LNX1: variants seen among roughly 807,000 people sequenced by gnomAD.
The protein encoded by LNX1 is ligand of numb-protein X 1.
In LNX1, 54 loss-of-function variants were observed where a neutral mutation model predicts 68.4. The ratio of observed to expected loss-of-function variants is 0.79; its 90% CI spans 0.63 to 0.99. The LOEUF (loss-of-function observed/expected upper bound fraction) is 0.99, where lower values mean the gene tolerates loss of function less well. Among genes scored for constraint, LNX1 ranks in the 50% least tolerant of loss-of-function variants. LNX1 has a pLI of 0.00. For synonymous variants in LNX1, 336 were observed against 350.0 expected, an observed-to-expected ratio of 0.96 and a Z score of 0.45; for missense variants, 906 against 926.4, an observed-to-expected ratio of 0.98 and a Z score of 0.29.
At chr4:53,474,911 C>T (rs898550976) in intron 9 of LNX1, among the ~76,000 whole-genome samples, 2 of 152,164 alleles carry the variant, frequency 1.3e-5, no homozygotes, top group East Asian at 1.9e-4. Flanking sequence ...GGACTACAGG[C>T]GTGTGCCACC....
intron 1 of LNX1, among the ~76,000 whole-genome samples, chr4:53,634,360 C>T (rs1175462795): frequency 4.0e-5 from 6 of 151,794 alleles, no homozygotes. Context: ...TCTCCTGCCT[C>T]AGTCTCCCGA....
chr4:53,468,285 C>CA (rs1722859862), intron 9 of LNX1, among the ~76,000 whole-genome samples: 1 of 152,150 alleles, frequency 6.6e-6, no homozygotes. Flanking sequence ...TACAGACAAG[C>CA]AAATGCTGAG....
At chr4:53,641,552 G>A (rs1018229785) in intron 1 of LNX1, among the ~76,000 whole-genome samples, 3 of 152,098 alleles carry the variant, frequency 2.0e-5, no homozygotes, top group Admixed American at 6.5e-5. Context: ...CAATACCCAG[G>A]GGTTCAACCT....
chr4:53,593,790 G>C (rs192622612), upstream of LNX1: 11 of 152,124 alleles, frequency 7.2e-5, no homozygotes, highest in African/African-American at 2.4e-4. Flanking sequence ...TTATTGTTCT[G>C]AGCACTTTAT....
At chr4:53,598,181 G>A (rs1290837138) in intron 2 of LNX1, among the ~76,000 whole-genome samples, 1 of 151,642 alleles carries the variant, frequency 6.6e-6, no homozygotes, top group Non-Finnish European at 1.5e-5. Flanking sequence ...AGATATTGAT[G>A]CCTGTTCTGC....
intron 1 of LNX1, among the ~76,000 whole-genome samples, chr4:53,585,221 A>G (rs1732089576): frequency 6.6e-6 from 1 of 152,188 alleles, no homozygotes; most frequent in Admixed American, 6.5e-5. Flanking sequence ...GATATCTCAC[A>G]CTGTTGACTG....
chr4:53,569,844 G>T (rs1364246928), intron 2 of LNX1, among the ~76,000 whole-genome samples: 1 of 135,068 alleles, frequency 7.4e-6, no homozygotes, highest in Non-Finnish European at 1.6e-5. Flanking sequence ...CCATCAAAAA[G>T]TGGGCGAAGG....
chr4:53,589,676 A>G (rs1332233057), intron 1 of LNX1, among the ~76,000 whole-genome samples: 1 of 152,226 alleles, frequency 6.6e-6, no homozygotes, highest in Non-Finnish European at 1.5e-5. Context: ...TCAAGGATAT[A>G]AATGAAGGAG....
chr4:53,481,133 G>A (rs1033115305), intron 7 of LNX1, among the ~76,000 whole-genome samples: 1 of 152,146 alleles, frequency 6.6e-6, no homozygotes, highest in Admixed American at 6.5e-5. Context: ...CTGCAAACTG[G>A]TGGCCTGAAG....
chr4:53,476,710 G>T, intron 9 of LNX1, 43 bp downstream of exon 9: 1 of 1,527,116 alleles, frequency 6.5e-7, no homozygotes, highest in South Asian at 1.1e-5. Flanking sequence ...AAATGTAATC[G>T]TTTTCTCCCA....
At chr4:53,600,883 A>G (rs1288667680) in intron 2 of LNX1, among the ~76,000 whole-genome samples, 3 of 145,322 alleles carry the variant, frequency 2.1e-5, no homozygotes, top group Non-Finnish European at 3.0e-5. Flanking sequence ...GGTGCCCACC[A>G]CCACACCTGG....
chr4:53,643,724 C>G (rs1484557431), intron 1 of LNX1, among the ~76,000 whole-genome samples: 2 of 152,130 alleles, frequency 1.3e-5, no homozygotes, highest in East Asian at 3.9e-4. Context: ...TGCCTGGTAA[C>G]CTTGGGCAGC....
intron 1 of LNX1, among the ~76,000 whole-genome samples, chr4:53,639,306 C>A (rs2109882484): frequency 6.6e-6 from 1 of 152,106 alleles, no homozygotes; most frequent in Non-Finnish European, 1.5e-5. Context: ...ATAAAGATGG[C>A]AACAATAGGC....
chr4:53,553,989 A>AGG (rs945601972), intron 2 of LNX1, among the ~76,000 whole-genome samples: 14 of 152,292 alleles, frequency 9.2e-5, no homozygotes, highest in African/African-American at 3.1e-4. Flanking sequence ...GCCAACCCGG[A>AGG]GGGTCATTCC....
chr4:53,519,627 G>T (rs563688660), intron 2 of LNX1, among the ~76,000 whole-genome samples: 16 of 149,452 alleles, frequency 1.1e-4, no homozygotes, highest in African/African-American at 3.5e-4. Context: ...CTGAGATCTT[G>T]TTGATTTAAG....
chr4:53,601,896 C>G (rs557461780), intron 2 of LNX1, among the ~76,000 whole-genome samples: 4 of 152,288 alleles, frequency 2.6e-5, no homozygotes, highest in African/African-American at 9.6e-5. Context: ...TGCTGTTTCT[C>G]CCTGCCCTGC....
chr4:53,479,942 C>G (rs997942586), intron 7 of LNX1, among the ~76,000 whole-genome samples: 9 of 152,238 alleles, frequency 5.9e-5, no homozygotes, highest in African/African-American at 2.2e-4. Context: ...ATGACTCTTT[C>G]TGCTCATAGG....
intron 1 of LNX1, among the ~76,000 whole-genome samples, chr4:53,629,614 G>C (rs1247247949): frequency 6.6e-6 from 1 of 152,204 alleles, no homozygotes; most frequent in Non-Finnish European, 1.5e-5. Context: ...TTTGGCCATG[G>C]ATGAAGCAAC....
intron 2 of LNX1, among the ~76,000 whole-genome samples, chr4:53,564,435 GGAT>G (rs1272075188): frequency 6.6e-6 from 1 of 152,140 alleles, no homozygotes; most frequent in Non-Finnish European, 1.5e-5. Flanking sequence ...CTGGATGAGG[GGAT>G]GAGGAGGAGT....
Sources: allele counts gnomAD v4.1 joint callset (sites outside exome capture counted in the v4.1 genomes callset), GRCh38; gene constraint gnomAD v4.1.1; transcripts MANE v1.5; gene names NCBI Gene and HGNC (gene_info 2026-07-23, HGNC 2026-07-21).